MCM9: variants seen among roughly 807,000 people sequenced by gnomAD.
MCM9 encodes DNA helicase MCM9.
Under a neutral mutation model 72.8 loss-of-function variants are expected in MCM9, and 55 were observed. The ratio of observed to expected loss-of-function variants is 0.76; its 90% CI spans 0.61 to 0.95. The LOEUF is 0.95. MCM9 is among the 40% of genes least tolerant of loss of function. The pLI, the probability that MCM9 is intolerant of heterozygous loss-of-function variation, is 0.00. For synonymous variants in MCM9, 480 were observed against 503.4 expected, an observed-to-expected ratio of 0.95 and a Z score of 0.62; for missense variants, 1,279 against 1,377.0, an observed-to-expected ratio of 0.93 and a Z score of 1.13.
chr6:118,890,166 C>T (rs1292356067), intron 8 of MCM9, among the ~76,000 whole-genome samples: 4 of 152,256 alleles, frequency 2.6e-5, no homozygotes, highest in South Asian at 4.1e-4. Flanking sequence ...ATTAATGGAG[C>T]TTTGTTCCTC....
chr6:118,923,299 T>TC (rs57079131), intron 4 of MCM9, among the ~76,000 whole-genome samples: 2 of 151,688 alleles, frequency 1.3e-5, no homozygotes, highest in Non-Finnish European at 2.9e-5. Context: ...TTTTTTTTTT[T>TC]CAGAGACAGG....
At chr6:118,903,659 A>C (rs982845273) in intron 8 of MCM9, among the ~76,000 whole-genome samples, 10 of 152,242 alleles carry the variant, frequency 6.6e-5, no homozygotes, top group African/African-American at 2.2e-4. Flanking sequence ...AGCTCCAAAA[A>C]AGATTAAAAG....
At chr6:118,893,908 G>C (rs1297145290) in intron 8 of MCM9, 5 of 497,184 alleles carry the variant, frequency 1.0e-5, no homozygotes, top group African/African-American at 9.1e-5. Context: ...GCGGGCGTCG[G>C]CCGGATCGCG....
intron 10 of MCM9, among the ~76,000 whole-genome samples, chr6:118,828,680 CG>C (rs1774331654): frequency 6.6e-6 from 1 of 152,136 alleles, no homozygotes; most frequent in Non-Finnish European, 1.5e-5. Context: ...CCACCACGCC[CG>C]GCCTGAGTAA....
intron 8 of MCM9, among the ~76,000 whole-genome samples, chr6:118,897,011 T>A (rs1779466555): frequency 6.6e-6 from 1 of 152,076 alleles, no homozygotes; most frequent in Non-Finnish European, 1.5e-5. Context: ...GCTAATTTTT[T>A]AATTTTTTGT....
intron 9 of MCM9, among the ~76,000 whole-genome samples, chr6:118,847,422 C>A (rs369460292): frequency 9.2e-3 from 1,048 of 113,644 alleles, no homozygotes; most frequent in South Asian, 0.014. Context: ...CATGAATCTT[C>A]AAAAAAAAAA....
chr6:118,879,243 A>T (rs991125482), intron 8 of MCM9, among the ~76,000 whole-genome samples: 1 of 52,394 alleles, frequency 1.9e-5, no homozygotes, highest in African/African-American at 1.0e-4. Flanking sequence ...GTTAGAATGG[A>T]GGGGGAAAAA....
At chr6:118,905,574 G>T in intron 8 of MCM9, 1 of 1,181,886 alleles carries the variant, frequency 8.5e-7, no homozygotes, top group Non-Finnish European at 1.2e-6. Flanking sequence ...ATGGTTCTAG[G>T]TAACTGAAAC....
chr6:118,916,996 T>C (rs1781017276), intron 6 of MCM9, among the ~76,000 whole-genome samples: 1 of 152,224 alleles, frequency 6.6e-6, no homozygotes, highest in East Asian at 1.9e-4. Context: ...CTTTACACAC[T>C]TGAGATTTTT....
At chr6:118,863,198 C>T (rs548010327) in intron 8 of MCM9, among the ~76,000 whole-genome samples, 8 of 152,098 alleles carry the variant, frequency 5.3e-5, no homozygotes, top group African/African-American at 1.9e-4. Context: ...TTTAATTATG[C>T]TTATGTATAA....
chr6:118,821,553 A>G (rs1269390732), intron 13 of MCM9, among the ~76,000 whole-genome samples: 2 of 151,954 alleles, frequency 1.3e-5, no homozygotes, highest in East Asian at 3.9e-4. Flanking sequence ...TGCCCTTAAC[A>G]TTTTTTCCTT....
At chr6:118,843,660 A>ATATATATATGTGTG (rs1554257115) in intron 9 of MCM9, among the ~76,000 whole-genome samples, 5 of 76,446 alleles carry the variant, frequency 6.5e-5, no homozygotes, top group African/African-American at 2.2e-4. Flanking sequence ...ATATATGTGT[A>ATATATATATGTGTG]TATATATATG....
intron 8 of MCM9, among the ~76,000 whole-genome samples, chr6:118,878,153 C>A (rs556477481): frequency 4.5e-4 from 68 of 152,164 alleles, no homozygotes; most frequent in Non-Finnish European, 8.2e-4. Context: ...CAGAGCGAGA[C>A]CCTGCCTCAA....
At chr6:118,820,719 G>GGGA (rs1773741832) in intron 13 of MCM9, among the ~76,000 whole-genome samples, 1 of 152,064 alleles carries the variant, frequency 6.6e-6, no homozygotes, top group African/African-American at 2.4e-5. Flanking sequence ...ACTGACAGTG[G>GGGA]GGAGTTAAAG....
chr6:118,931,147 G>T (rs1318640620), intron 3 of MCM9, among the ~76,000 whole-genome samples: 1 of 152,040 alleles, frequency 6.6e-6, no homozygotes, highest in East Asian at 1.9e-4. Context: ...AAGCTGTTTT[G>T]AATTACATTT....
rs114642748 is a variant in MCM9 at position 118,931,671 on chromosome 6, G to A, written c.53C>T (p.Ser18Leu). The change falls in exon 3 of 14, where the codon TCG becomes TTG. Residue 18 changes from serine (S) to leucine (L), a missense_variant. By Grantham distance (145) the Ser-to-Leu change is moderately radical. Transcript: ENST00000619706. ...LVGQVFESYV[S>L]EYHKNDILLI... Reference sequence around the variant, plus strand: ...AAGAATATCATTCTTATGGTATTCCGAAACATATGACTCAAACACTTGACC... The same window carrying A: ...AAGAATATCATTCTTATGGTATTCCAAAACATATGACTCAAACACTTGACC... 567 of 1,613,426 alleles carry A rather than the reference G, an allele frequency of 3.5e-4. 2 individuals are homozygous for A. In the East Asian group the frequency reaches 6.8e-3, roughly 19 times the overall value.
intron 8 of MCM9, among the ~76,000 whole-genome samples, chr6:118,898,066 A>T (rs934740140): frequency 1.3e-5 from 2 of 152,192 alleles, no homozygotes; most frequent in Non-Finnish European, 2.9e-5. Flanking sequence ...TTATCTTCCC[A>T]GTTAGGTTTT....
intron 9 of MCM9, among the ~76,000 whole-genome samples, chr6:118,852,580 C>T (rs1243491983): frequency 6.6e-6 from 1 of 152,206 alleles, no homozygotes; most frequent in Non-Finnish European, 1.5e-5. Context: ...CAAGCTTCAG[C>T]TGTGAACTTG....
chr6:118,826,112 T>C (rs1774151127), intron 13 of MCM9, 35 bp downstream of exon 13: 2 of 1,528,686 alleles, frequency 1.3e-6, no homozygotes, highest in Non-Finnish European at 1.8e-6. Flanking sequence ...ACAAGGATTT[T>C]CCATTGTATG....
Sources: allele counts gnomAD v4.1 joint callset (sites outside exome capture counted in the v4.1 genomes callset), GRCh38; gene constraint gnomAD v4.1.1; transcripts MANE v1.5; gene names NCBI Gene and HGNC (gene_info 2026-07-23, HGNC 2026-07-21).